ZNF512B: variants seen among roughly 807,000 people sequenced by gnomAD.
ZNF512B encodes the protein zinc finger protein 512B.
In ZNF512B, 22 loss-of-function variants were observed where a neutral mutation model predicts 87.8. The observed-to-expected ratio is 0.25, with a 90% CI of 0.18 to 0.36. The LOEUF (loss-of-function observed/expected upper bound fraction) is 0.36, where lower values mean the gene tolerates loss of function less well. Ranked by LOEUF, ZNF512B falls within the 10% of genes least tolerant of loss-of-function variation. The pLI, the probability that ZNF512B is intolerant of heterozygous loss-of-function variation, is 1.00. For synonymous variants in ZNF512B, 524 were observed against 490.9 expected, an observed-to-expected ratio of 1.07 and a Z score of -0.89; for missense variants, 1,060 against 1,231.6, an observed-to-expected ratio of 0.86 and a Z score of 2.09.
chr20:63,957,332 G>C lies in ZNF512B; in HGVS notation c.*2556C>G, dbSNP rs1207783734. On this transcript the variant is annotated 3_prime_UTR_variant, in exon 17 of 17. Transcript: ENST00000369888. ...CAGAAAGGGCCCCGACTGGGCCTCG[G>C]GCAGGGCCGGCGCCCACCACACTCT... 1 of 152,454 alleles carries C rather than the reference G, an allele frequency of 6.6e-6. No homozygotes were observed. Among genetic ancestry groups the C allele is most frequent in the Non-Finnish European group, 1.5e-5 (1 of 68,040 alleles). 9.4% of individuals were successfully genotyped at this position (152,454 alleles called of 1,614,324 possible). A position where few individuals can be genotyped will look rare whatever the true frequency, so the allele number is the denominator to read the frequency against.
chr20:63,969,347 C>T (rs2058957537), intron 1 of ZNF512B, among the ~76,000 whole-genome samples: 1 of 152,228 alleles, frequency 6.6e-6, no homozygotes, highest in African/African-American at 2.4e-5. Context: ...CTCCCGAGCC[C>T]AGCGGGGACA....
At chr20:63,967,646 C>T in intron 2 of ZNF512B, 123 bp from the exon 3 acceptor site, 1 of 1,482,174 alleles carries the variant, frequency 6.7e-7, no homozygotes. Flanking sequence ...GGGCTGCGGC[C>T]AGCTGAGGAC....
chr20:63,966,639 G>A lies in ZNF512B; in HGVS notation c.536C>T (p.Pro179Leu), dbSNP rs771449991. 1.1e-5 allele frequency: 18 copies of A among 1,613,262 alleles called. No homozygotes were observed. The highest frequency in any genetic ancestry group is 2.7e-5 in the African/African-American group (2 of 74,942). Residue 179 changes from proline (P) to leucine (L), a missense_variant, in exon 5 of 17, where the codon CCG (proline) becomes CTG (leucine). This residue lies in a region of ZNF512B where 201 missense variants were observed against 226.8 expected (regional missense o/e 0.89). Coordinates refer to ENST00000369888, the MANE Select transcript of ZNF512B (RefSeq NM_020713.3). ...CCCAACAGGCCGGCTGATGGTGACC[G>A]GCCTGCTGATGGGCCCAGGCTTGGA... ...PASKPGPISR[P>L]VTISRPVGVS...
At position 63,962,588 on chromosome 20, in the gene ZNF512B, C is replaced by T. The variant is rs142087332; in HGVS notation, c.2162G>A (p.Arg721Gln). The change falls in exon 13 of 17, where the codon CGG (arginine) becomes CAG (glutamine). Residue 721 changes from arginine (R) to glutamine (Q), a missense_variant and splice_region_variant. Arg to Gln is a conservative substitution (Grantham distance 43). Around this residue, in one of 9 missense-constraint regions of ZNF512B, gnomAD observed 253 missense variants for 259.2 expected, o/e 0.98. Transcript: ENST00000369888. ...ACAGCCCTGGGGGGGGCAGCTCACC[C>T]GTGCGGTCTCGGGCACAAGGTCATC... The part of the protein sequence containing the change: ...MKDDLVPETA[R>Q]LNYTRPGLPT... 19 of 1,603,868 alleles carry T rather than the reference C, an allele frequency of 1.2e-5. No homozygotes were observed. Among genetic ancestry groups the T allele is most frequent in the Non-Finnish European group, 1.4e-5 (16 of 1,178,426 alleles).
In ZNF512B at chr20:63,964,658, C is replaced by T. The variant is rs2058902089; in HGVS notation, c.1093G>A (p.Gly365Arg). Residue 365 changes from glycine to arginine, a missense_variant, in exon 6 of 17, where the codon GGG becomes AGG. This residue lies in a region of ZNF512B where 212 missense variants were observed against 207.6 expected (regional missense o/e 1.02). Transcript: ENST00000369888. ...IPPKQARPEN[G>R]EYGPSSMGQS... ...CCCATGGAGGAGGGGCCGTACTCCC[C>T]ATTCTCTGGCCTGGCCTGCTTGGGT... 1 of 1,612,326 alleles carries T rather than the reference C, an allele frequency of 6.2e-7. No individual in the cohort carries two copies. Among genetic ancestry groups the T allele is most frequent in the Non-Finnish European group, 8.5e-7 (1 of 1,179,992 alleles).
intron 12 of ZNF512B, 25 bp from the exon 13 acceptor site, chr20:63,962,806 C>T (rs767227066): frequency 3.2e-6 from 5 of 1,569,216 alleles, no homozygotes; most frequent in South Asian, 1.1e-5. Context: ...GGCATGGAGG[C>T]TAGAGTGAGC....
rs1372955650 is a variant in ZNF512B, at chr20:63,957,658, G to A, written c.*2230C>T. On this transcript the variant is annotated 3_prime_UTR_variant, in exon 17 of 17. Coordinates refer to ENST00000369888, the MANE Select transcript of ZNF512B (RefSeq NM_020713.3). ...ATCTGTGGGCTTTGGGAGTGTCCCG[G>A]AAACTCACCCCCAGCAAAAACCAGA... The A allele has an allele frequency of 6.5e-6, 1 of 152,890 alleles. No homozygotes were observed. Among genetic ancestry groups the A allele is most frequent in the East Asian group, 1.9e-4 (1 of 5,190 alleles). The allele number at this position is 152,890 out of a possible 1,614,324, so 9.5% of individuals were successfully genotyped here.
chr20:63,964,843 A>G, intron 5 of ZNF512B, 127 bp from the exon 6 acceptor site: 1 of 1,118,322 alleles, frequency 8.9e-7, no homozygotes, highest in Non-Finnish European at 1.2e-6. Context: ...CTGTTCCCCG[A>G]CCTGGGACAA....
intron 1 of ZNF512B, among the ~76,000 whole-genome samples, chr20:63,968,589 CT>C (rs2058950983): frequency 6.6e-6 from 1 of 152,246 alleles, no homozygotes; most frequent in African/African-American, 2.4e-5. Context: ...CTGAGGACCC[CT>C]GGCCCAATCT....
In ZNF512B at chr20:63,960,120, G is replaced by A. The variant is rs1300149124; in HGVS notation, c.2447C>T (p.Ala816Val). 11 of 1,613,754 alleles carry A rather than the reference G, an allele frequency of 6.8e-6. No individual in the cohort carries two copies. In the African/African-American group the frequency reaches 1.2e-4, roughly 18 times the overall value. The stretch of plus-strand genomic sequence containing the variant: ...GCTCCTGTGTTTGGGAGGTGGGTCT[G>A]CTGATGTTCGGAACCAGTTCTGGGG... ...THAENWFRTS[A>V]DPPPKHRSQD... is the part of the protein sequence containing the mutation. The change falls in exon 17 of 17, where the codon GCA (alanine) becomes GTA (valine). Residue 816 changes from alanine (A) to valine (V), a missense_variant. Physicochemically the swap from Ala to Val is moderately conservative, Grantham distance 64. This residue lies in a region of ZNF512B where 253 missense variants were observed against 259.2 expected (regional missense o/e 0.98). Coordinates refer to ENST00000369888, the MANE Select transcript of ZNF512B (RefSeq NM_020713.3).
In ZNF512B at chr20:63,963,789, C is replaced by T; in HGVS notation, c.1605G>A (p.Lys535=). The T allele has an allele frequency of 1.2e-6, 2 of 1,612,994 alleles. No individual in the cohort carries two copies. The highest frequency in any genetic ancestry group is 4.5e-5 in the East Asian group (2 of 44,886). ...GLKKHMEVCQ[K]LQDALKCQHC... Reference sequence around the variant, plus strand: ...CAGCGCCTTCCGGGAGCTGCCTTACCTTCTGACACACCTCCATGTGCTTCT... The same window carrying T: ...CAGCGCCTTCCGGGAGCTGCCTTACTTTCTGACACACCTCCATGTGCTTCT... The change falls in exon 9 of 17, where the codon AAG becomes AAA. Residue 535 remains lysine, a splice_region_variant and synonymous_variant. Coordinates refer to ENST00000369888, the MANE Select transcript of ZNF512B (RefSeq NM_020713.3).
chr20:63,964,091 G>A lies in ZNF512B; in HGVS notation c.1460C>T (p.Pro487Leu), dbSNP rs1273442075. 12 of 1,609,508 alleles carry A rather than the reference G, an allele frequency of 7.5e-6. No homozygotes were observed. Among genetic ancestry groups the A allele is most frequent in the African/African-American group, 4.0e-5 (3 of 74,882 alleles). The change falls in exon 8 of 17, where the codon CCT (proline) becomes CTT (leucine). Residue 487 changes from proline to leucine, a missense_variant. Pro to Leu is a moderately conservative substitution (Grantham distance 98). This residue lies in a region of ZNF512B where 212 missense variants were observed against 207.6 expected (regional missense o/e 1.02). Coordinates refer to ENST00000369888, the MANE Select transcript of ZNF512B (RefSeq NM_020713.3). ...PITVSKEAPA[P>L]VAHPAPGGPE... ...CCTACCTGGAGCTGGGTGGGCCACA[G>A]GGGCCGGTGCCTCCTTGCTGACAGT...
chr20:63,962,718 G>C lies in ZNF512B; in HGVS notation c.2032C>G (p.Pro678Ala). 3 of 1,603,352 alleles carry C rather than the reference G, an allele frequency of 1.9e-6. No individual in the cohort carries two copies. The highest frequency in any genetic ancestry group is 2.5e-6 in the Non-Finnish European group (3 of 1,176,566). ...AEDPLGVERT[P>A]SGRVRRTSAQ... ...GACGTGCGGCGGACACGCCCGCTTG[G>C]GGTCCGCTCCACACCCAGCGGGTCC... The change falls in exon 13 of 17, where the codon CCA becomes GCA. Residue 678 changes from proline (P) to alanine (A), a missense_variant. Pro to Ala is a conservative substitution (Grantham distance 27). Coordinates refer to ENST00000369888, the MANE Select transcript of ZNF512B (RefSeq NM_020713.3).
chr20:63,962,728 C>T lies in ZNF512B; in HGVS notation c.2022G>A (p.Val674=). Residue 674 remains valine, a synonymous_variant, in exon 13 of 17, where the codon GTG becomes GTA. Coordinates refer to ENST00000369888, the MANE Select transcript of ZNF512B (RefSeq NM_020713.3). ...GGACACGCCCGCTTGGGGTCCGCTC[C>T]ACACCCAGCGGGTCCTCAGCCTCAG... The part of the protein sequence containing the change: ...KSPEAEDPLG[V]ERTPSGRVRR... 6.2e-7 allele frequency: 1 copy of T among 1,603,270 alleles called. No individual in the cohort carries two copies. The highest frequency in any genetic ancestry group is 1.3e-5 in the African/African-American group (1 of 74,978).
chr20:63,960,245 C>A, intron 16 of ZNF512B, 106 bp from the exon 17 acceptor site: 1 of 1,493,144 alleles, frequency 6.7e-7, no homozygotes. Context: ...ACCAGGCAAG[C>A]ACCTGCAGCA....
rs149989318 is a variant in ZNF512B, at chr20:63,962,650, G to A, written c.2100C>T (p.Asp700=). The change falls in exon 13 of 17, where the codon GAC becomes GAT. Residue 700 remains aspartate, a synonymous_variant. Transcript: ENST00000369888. ...AVFHLQEIAE[D]ELARDWTKRR... ...GCTTGGTCCAGTCGCGGGCCAGCTC[G>A]TCCTCCGCTATCTCCTGCAGGTGGA... The A allele has an allele frequency of 3.0e-5, 48 of 1,606,388 alleles. No homozygotes were observed. The highest frequency in any genetic ancestry group is 2.7e-4 in the East Asian group (12 of 44,650).
intron 1 of ZNF512B, chr20:63,969,057 G>A (rs1407215746): frequency 2.3e-5 from 22 of 940,248 alleles, no homozygotes; most frequent in South Asian, 4.9e-5. Context: ...GAGGTCAGAG[G>A]TCAGGACAGT....
In ZNF512B at chr20:63,961,221, C is replaced by T; in HGVS notation, c.2427+88G>A. On this transcript the variant is annotated intron_variant, in intron 16 of 16. Transcript: ENST00000369888. This position sits in a 1 kb window ranked among gnomAD's most constrained non-coding sequence, Gnocchi z 6.4. ...AGGCACACCCCATGCAGGCCACTGACCTCTCTACCCCCAAGGGGTGCCCAA... is the reference window on the plus strand; with the variant it reads ...AGGCACACCCCATGCAGGCCACTGATCTCTCTACCCCCAAGGGGTGCCCAA... 8.1e-7 allele frequency: 1 copy of T among 1,236,622 alleles called. No individual in the cohort carries two copies. Among genetic ancestry groups the T allele is most frequent in the Non-Finnish European group, 1.2e-6 (1 of 856,912 alleles). 76.6% of individuals were successfully genotyped at this position (1,236,622 alleles called of 1,614,324 possible). A position where few individuals can be genotyped will look rare whatever the true frequency, so the allele number is the denominator to read the frequency against.
At chr20:63,967,155 T>G in intron 3 of ZNF512B, 151 bp from the exon 4 acceptor site, 1 of 1,345,208 alleles carries the variant, frequency 7.4e-7, no homozygotes, top group African/African-American at 1.5e-5. Context: ...TCAAGCCACC[T>G]GGCAGGGGCC....
Sources: gnomAD v4.1 joint callset for allele counts (sites outside exome capture counted in the v4.1 genomes callset) on GRCh38, gnomAD v4.1.1 for gene constraint, gnomAD v4.1.1 regional missense constraint, Gnocchi (gnomAD v3.1) non-coding constraint, MANE v1.5 for transcripts, NCBI Gene and HGNC (gene_info 2026-07-23, HGNC 2026-07-21) for gene names.